The following WT1 variants were observed in gnomAD, a reference collection of about 807,000 sequenced individuals.
WT1 encodes the protein WT1 transcription factor.
WT1 carries 8 observed loss-of-function variants against 60.8 expected under a neutral mutation model. The observed-to-expected ratio is 0.13, with a 90% CI of 0.08 to 0.24. WT1 has a LOEUF of 0.24. WT1 is among the 10% of genes least tolerant of loss of function. The probability of loss-of-function intolerance (pLI) is 1.00; values close to 1 mark genes in which losing one functional copy is unlikely to be tolerated. For missense variants in WT1, 568 were observed against 711.8 expected, an observed-to-expected ratio of 0.80 and a Z score of 2.30; for synonymous variants, 312 against 297.1, an observed-to-expected ratio of 1.05 and a Z score of -0.52.
At chr11:32,398,643 G>A (rs1852047056) in intron 6 of WT1, among the ~76,000 whole-genome samples, 1 of 152,082 alleles carries the variant, frequency 6.6e-6, no homozygotes. Flanking sequence ...ATATTTACTA[G>A]CGATGTGATT....
chr11:32,413,953 TG>T (rs1240710179), intron 5 of WT1, among the ~76,000 whole-genome samples: 2 of 152,258 alleles, frequency 1.3e-5, no homozygotes, highest in African/African-American at 4.8e-5. Flanking sequence ...GCTAAAAAAT[TG>T]GATGTGGCCA....
intron 3 of WT1, among the ~76,000 whole-genome samples, chr11:32,422,910 T>G (rs1852900251): frequency 6.6e-6 from 1 of 152,224 alleles, no homozygotes; most frequent in Non-Finnish European, 1.5e-5. Flanking sequence ...AGGGCTAGAA[T>G]GCCTAAAAGA....
At chr11:32,428,458 A>C (rs1202799208) in intron 2 of WT1, 39 bp downstream of exon 2, 1 of 1,613,464 alleles carries the variant, frequency 6.2e-7, no homozygotes. Context: ...ATAGCACGGA[A>C]GAAGGGGAGA....
At chr11:32,392,643 C>T (rs2132918963) in intron 8 of WT1, 23 bp downstream of exon 8, 1 of 1,610,686 alleles carries the variant, frequency 6.2e-7, no homozygotes, top group Non-Finnish European at 8.5e-7. Flanking sequence ...CAGCTGCCAG[C>T]AATGAGAAGT....
At chr11:32,414,934 C>T (rs754996908) in intron 5 of WT1, among the ~76,000 whole-genome samples, 16 of 150,990 alleles carry the variant, frequency 1.1e-4, no homozygotes, top group East Asian at 3.9e-4. Context: ...ATGTAAGTAA[C>T]GGACCAATGA....
intron 3 of WT1, among the ~76,000 whole-genome samples, chr11:32,425,082 G>T (rs1441292026): frequency 6.6e-6 from 1 of 151,770 alleles, no homozygotes; most frequent in Admixed American, 6.6e-5. Flanking sequence ...GGAGGCTGAG[G>T]CACAAGAATC....
At position 32,435,367 on chromosome 11, in the gene WT1, G is replaced by T; in HGVS notation, c.-7C>A. The T allele has an allele frequency of 6.6e-7, 1 of 1,525,828 alleles. No homozygotes were observed. Among genetic ancestry groups the T allele is most frequent in the Non-Finnish European group, 8.8e-7 (1 of 1,141,490 alleles). 94.5% of individuals were successfully genotyped at this position (1,525,828 alleles called of 1,614,324 possible). On this transcript the variant is annotated 5_prime_UTR_variant, in exon 1 of 10. Coordinates refer to ENST00000452863, the MANE Select transcript of WT1 (RefSeq NM_024426.6). The stretch of plus-strand genomic sequence containing the variant: ...GCAGCAAGAGGAAGTCCAGGATCGC[G>T]GCGAGGAGACGGCGGGGCCCGGGCG...
intron 6 of WT1, among the ~76,000 whole-genome samples, chr11:32,398,043 C>T (rs1293398870): frequency 2.0e-5 from 3 of 152,116 alleles, no homozygotes; most frequent in Non-Finnish European, 2.9e-5. Flanking sequence ...CAGTAAGGGT[C>T]CCGGTGAAGG....
At chr11:32,398,441 G>T (rs1257470877) in intron 6 of WT1, among the ~76,000 whole-genome samples, 3 of 152,188 alleles carry the variant, frequency 2.0e-5, no homozygotes, top group Admixed American at 6.5e-5. Flanking sequence ...TACGGAGGTG[G>T]CAGACCAAAA....
intron 8 of WT1, 27 bp from the exon 9 acceptor site, chr11:32,392,091 C>T (rs369186929): frequency 8.7e-6 from 14 of 1,609,240 alleles, no homozygotes; most frequent in Admixed American, 3.3e-5. Flanking sequence ...GGTCTAGCCT[C>T]GGCCCTAACA....
intron 5 of WT1, 55 bp from the exon 6 acceptor site, chr11:32,400,099 A>C: frequency 6.3e-7 from 1 of 1,592,444 alleles, no homozygotes; most frequent in Non-Finnish European, 8.6e-7. Flanking sequence ...CGCCATTTGG[A>C]AATGCTTATC....
intron 5 of WT1, 81 bp downstream of exon 5, chr11:32,416,409 G>T: frequency 6.3e-7 from 1 of 1,575,622 alleles, no homozygotes. Context: ...ACCCACGTCA[G>T]TCCTAACTCC....
At chr11:32,403,146 G>C (rs1454554523) in intron 5 of WT1, among the ~76,000 whole-genome samples, 2 of 151,456 alleles carry the variant, frequency 1.3e-5, no homozygotes, top group Non-Finnish European at 3.0e-5. Context: ...CTCCTACAAG[G>C]TCCATGAGGA....
chr11:32,409,888 T>C (rs924399836), intron 5 of WT1, among the ~76,000 whole-genome samples: 2 of 151,570 alleles, frequency 1.3e-5, no homozygotes, highest in African/African-American at 4.8e-5. Flanking sequence ...TCCCCTCCCA[T>C]TGACCATTTT....
At chr11:32,421,375 C>T (rs925517295) in intron 3 of WT1, among the ~76,000 whole-genome samples, 1 of 152,216 alleles carries the variant, frequency 6.6e-6, no homozygotes, top group Non-Finnish European at 1.5e-5. Context: ...ACTGTGGTCA[C>T]GTAGGCATTT....
At chr11:32,391,936 A>T in intron 9 of WT1, 36 bp downstream of exon 9, 1 of 1,588,162 alleles carries the variant, frequency 6.3e-7, no homozygotes. Flanking sequence ...GTTTAAAAAA[A>T]TAATGAAAAA....
At chr11:32,400,162 G>A in intron 5 of WT1, 118 bp from the exon 6 acceptor site, 7 of 1,308,238 alleles carry the variant, frequency 5.4e-6, no homozygotes, top group Non-Finnish European at 7.6e-6. Flanking sequence ...AAAATAGTTG[G>A]TTTTTGCCTC....
In WT1 at chr11:32,428,698, C is replaced by CG. The variant is rs34924443; in HGVS notation, c.662-80dup. ...GCAGTGGGTCTGAACCAGCCACGGGCGGGGGGGGTGTGCGCTGAACCCCGC... is the reference window on the plus strand; with the variant it reads ...GCAGTGGGTCTGAACCAGCCACGGGCGGGGGGGGGTGTGCGCTGAACCCCGC... On this transcript the variant is annotated intron_variant, in intron 1 of 9. Transcript: ENST00000452863. 0.15 allele frequency: 228,937 copies of CG among 1,526,050 alleles called. 18,455 individuals are homozygous for CG. Among genetic ancestry groups the CG allele is most frequent in the African/African-American group, 0.51 (35,914 of 70,008 alleles). The allele number at this position is 1,526,050 out of a possible 1,614,324, so 94.5% of individuals were successfully genotyped here.
intron 3 of WT1, 147 bp from the exon 4 acceptor site, chr11:32,417,801 T>A: frequency 1.4e-6 from 1 of 726,334 alleles, no homozygotes; most frequent in Admixed American, 2.1e-5. Context: ...CTGAATTATT[T>A]TCATTTCATC....
Sources: allele counts gnomAD v4.1 joint callset (sites outside exome capture counted in the v4.1 genomes callset), GRCh38; gene constraint gnomAD v4.1.1; transcripts MANE v1.5; gene names NCBI Gene and HGNC (gene_info 2026-07-23, HGNC 2026-07-21).